PTPRM: variants seen among roughly 807,000 people sequenced by gnomAD.
PTPRM encodes protein tyrosine phosphatase receptor type M.
A neutral mutation model predicts 186.7 loss-of-function variants in PTPRM; 47 were observed. The ratio of observed to expected loss-of-function variants is 0.25; its 90% CI spans 0.20 to 0.32. PTPRM has a LOEUF of 0.32. Ranked by LOEUF, PTPRM falls within the 10% of genes least tolerant of loss-of-function variation. The pLI is 1.00. For missense variants in PTPRM, 1,494 were observed against 1,865.0 expected (o/e 0.80, Z 3.66); for synonymous variants, 668 against 674.9 (o/e 0.99, Z 0.16).
intron 21 of PTPRM, among the ~76,000 whole-genome samples, chr18:8,317,823 G>T (rs912203994): frequency 2.0e-5 from 3 of 152,238 alleles, no homozygotes; most frequent in African/African-American, 7.2e-5. Flanking sequence ...TTCACCATCA[G>T]ATGAGTCCCT....
At chr18:8,173,742 C>T (rs1289194270) in intron 14 of PTPRM, among the ~76,000 whole-genome samples, 1 of 152,122 alleles carries the variant, frequency 6.6e-6, no homozygotes, top group South Asian at 2.1e-4. Flanking sequence ...CATGGGTTGC[C>T]AGCAATGCAA....
chr18:7,813,775 A>G (rs1402644253), intron 2 of PTPRM, among the ~76,000 whole-genome samples: 4 of 145,782 alleles, frequency 2.7e-5, no homozygotes, highest in Non-Finnish European at 6.0e-5. Flanking sequence ...TTTTCCCCCT[A>G]TGGGAGATGA....
In PTPRM at chr18:8,143,799, C is replaced by T; in HGVS notation, c.2300+20C>T. On this transcript the variant is annotated intron_variant, in intron 14 of 32. Coordinates refer to ENST00000580170, the MANE Select transcript of PTPRM (RefSeq NM_001105244.2). ...GAAAAGGTGAGCTCCTAGCTGTTGC[C>T]AAAGATACAGTTATATCCCATTGTT... 1 of 1,612,682 alleles carries T rather than the reference C, an allele frequency of 6.2e-7. No individual in the cohort carries two copies. Among genetic ancestry groups the T allele is most frequent in the Non-Finnish European group, 8.5e-7 (1 of 1,178,774 alleles).
chr18:8,129,542 T>G (rs887338778), intron 13 of PTPRM, among the ~76,000 whole-genome samples: 1 of 152,260 alleles, frequency 6.6e-6, no homozygotes, highest in Admixed American at 6.5e-5. Context: ...GTGATGTCCC[T>G]TAGCATCTGT....
chr18:8,087,956 T>G (rs896194555), intron 10 of PTPRM, among the ~76,000 whole-genome samples: 3 of 152,146 alleles, frequency 2.0e-5, no homozygotes, highest in Admixed American at 6.5e-5. Flanking sequence ...ATAATAAGAC[T>G]TAACAGTCTA....
chr18:8,152,965 C>T (rs963146898), intron 14 of PTPRM, among the ~76,000 whole-genome samples: 2 of 152,244 alleles, frequency 1.3e-5, no homozygotes, highest in African/African-American at 4.8e-5. Context: ...ATCCCCCTGC[C>T]TCAGCCTCCC....
In PTPRM at chr18:8,314,811, TAGA is replaced by T. The variant is rs766250269; in HGVS notation, c.2876_2878del (p.Glu959del). The T allele has an allele frequency of 6.2e-7, 1 of 1,612,296 alleles. No homozygotes were observed. Among genetic ancestry groups the T allele is most frequent in the Non-Finnish European group, 8.5e-7 (1 of 1,178,694 alleles). On this transcript the variant is annotated inframe_deletion, in exon 21 of 33. Coordinates refer to ENST00000580170, the MANE Select transcript of PTPRM (RefSeq NM_001105244.2). The stretch of plus-strand genomic sequence containing the variant: ...CATTCCCGAGTGAGGCTGCAGACAA[TAGA>T]AGGAGACACAAACTCAGACTATATC...
chr18:8,145,100 C>T (rs981294108), intron 14 of PTPRM, among the ~76,000 whole-genome samples: 3 of 152,086 alleles, frequency 2.0e-5, no homozygotes, highest in Non-Finnish European at 2.9e-5. Flanking sequence ...GAGCTCAAAT[C>T]AGGAAGACCA....
chr18:7,730,759 A>G (rs2040642323), intron 1 of PTPRM, among the ~76,000 whole-genome samples: 1 of 152,178 alleles, frequency 6.6e-6, no homozygotes, highest in Non-Finnish European at 1.5e-5. Context: ...TAAAAAGCTC[A>G]CTTCGAAGTC....
chr18:7,613,692 T>A (rs1324051373), intron 1 of PTPRM, among the ~76,000 whole-genome samples: 1 of 151,444 alleles, frequency 6.6e-6, no homozygotes, highest in Non-Finnish European at 1.5e-5. Flanking sequence ...AAAAATACCC[T>A]GAGAGCTGGG....
chr18:8,305,656 G>A (rs2095213687), intron 20 of PTPRM, among the ~76,000 whole-genome samples: 1 of 152,158 alleles, frequency 6.6e-6, no homozygotes, highest in African/African-American at 2.4e-5. Context: ...ATAGGTTGTT[G>A]AGCAGATACC....
intron 7 of PTPRM, among the ~76,000 whole-genome samples, chr18:8,020,464 A>T (rs1016125920): frequency 2.0e-5 from 3 of 152,222 alleles, no homozygotes; most frequent in African/African-American, 7.2e-5. Flanking sequence ...AAAAAAGTCT[A>T]AGACTTCTGT....
intron 19 of PTPRM, 67 bp from the exon 20 acceptor site, chr18:8,296,301 C>G: frequency 2.0e-6 from 2 of 984,358 alleles, no homozygotes; most frequent in Non-Finnish European, 3.3e-6. Flanking sequence ...TTAAGAACAT[C>G]CTCCATCGTT....
intron 1 of PTPRM, among the ~76,000 whole-genome samples, chr18:7,582,406 G>C (rs944019582): frequency 1.3e-5 from 2 of 152,168 alleles, no homozygotes; most frequent in African/African-American, 4.8e-5. Context: ...GAGCAGAAGT[G>C]AACCAAGACT....
At chr18:7,571,061 C>T (rs2036554543) in intron 1 of PTPRM, among the ~76,000 whole-genome samples, 1 of 151,868 alleles carries the variant, frequency 6.6e-6, no homozygotes, top group Non-Finnish European at 1.5e-5. Context: ...GCCTCAGCCT[C>T]CCGAGTAGCT....
intron 1 of PTPRM, among the ~76,000 whole-genome samples, chr18:7,654,237 C>T (rs2038794480): frequency 1.3e-5 from 2 of 152,108 alleles, no homozygotes; most frequent in African/African-American, 4.8e-5. Flanking sequence ...GATAATATAG[C>T]TTGCAAAATT....
At chr18:7,840,026 T>TA (rs1174028798) in intron 2 of PTPRM, among the ~76,000 whole-genome samples, 5 of 140,494 alleles carry the variant, frequency 3.6e-5, no homozygotes, top group African/African-American at 5.2e-5. Flanking sequence ...CACACAGAAA[T>TA]ACTCTCTGCA....
At chr18:8,131,788 C>T (rs921925913) in intron 13 of PTPRM, among the ~76,000 whole-genome samples, 28 of 152,148 alleles carry the variant, frequency 1.8e-4, no homozygotes, top group African/African-American at 4.6e-4. Flanking sequence ...GGCTTAGCCA[C>T]GAATTTTCTT....
intron 7 of PTPRM, among the ~76,000 whole-genome samples, chr18:8,014,535 A>G (rs1192234964): frequency 1.3e-5 from 2 of 152,210 alleles, no homozygotes; most frequent in Non-Finnish European, 2.9e-5. Flanking sequence ...GGTTAGGATA[A>G]TTGCCTTTTA....
Sources: gnomAD v4.1 joint callset for allele counts (sites outside exome capture counted in the v4.1 genomes callset) on GRCh38, gnomAD v4.1.1 for gene constraint, MANE v1.5 for transcripts, NCBI Gene and HGNC (gene_info 2026-07-23, HGNC 2026-07-21) for gene names.